The following CCSER2 variants were observed in gnomAD, a reference collection of about 807,000 sequenced individuals.
CCSER2 encodes the protein coiled-coil serine rich protein 2.
In CCSER2, 46 loss-of-function variants were observed where a neutral mutation model predicts 92.3. That is an observed-to-expected ratio of 0.50 (90% CI 0.39 to 0.64). The LOEUF is 0.64. Ranked by LOEUF, CCSER2 falls within the 30% of genes least tolerant of loss-of-function variation. CCSER2 has a pLI of 0.00. For missense variants in CCSER2, 1,244 were observed against 1,238.9 expected (o/e 1.00, Z -0.06); for synonymous variants, 433 against 431.4 (o/e 1.00, Z -0.04).
chr10:84,470,530 C>T, intron 8 of CCSER2, 72 bp downstream of exon 8: 1 of 1,247,874 alleles, frequency 8.0e-7, no homozygotes, highest in Non-Finnish European at 1.0e-6. Flanking sequence ...AACTCTGAGC[C>T]AGAAGTAGAG....
chr10:84,351,135 T>C (rs1420091611), intron 1 of CCSER2, among the ~76,000 whole-genome samples: 3 of 152,232 alleles, frequency 2.0e-5, no homozygotes, highest in Non-Finnish European at 4.4e-5. Flanking sequence ...TTCATATAGC[T>C]GACTCTGTGT....
At chr10:84,436,634 C>CA (rs71013322) in intron 5 of CCSER2, among the ~76,000 whole-genome samples, 26,167 of 93,544 alleles carry the variant, frequency 0.28, 3,143 homozygotes, top group African/African-American at 0.33. Flanking sequence ...GACTCCGTCT[C>CA]AAAAAAAAAA....
In CCSER2 at chr10:84,515,250, A is replaced by G. The variant is rs1849558881; in HGVS notation, c.*983A>G. On this transcript the variant is annotated 3_prime_UTR_variant, in exon 10 of 10. Coordinates refer to ENST00000372088, the MANE Select transcript of CCSER2 (RefSeq NM_001284240.2). The stretch of plus-strand genomic sequence containing the variant: ...GAAATAATGAACTTGAAACATTTGC[A>G]CAAAACTTTGATGGGGTATAAATAT... 1 of 152,758 alleles carries G rather than the reference A, an allele frequency of 6.5e-6. No homozygotes were observed. Among genetic ancestry groups the G allele is most frequent in the African/African-American group, 2.4e-5 (1 of 41,582 alleles). 9.5% of individuals were successfully genotyped at this position (152,758 alleles called of 1,614,324 possible).
At chr10:84,331,918 A>G (rs1843580674) in intron 1 of CCSER2, among the ~76,000 whole-genome samples, 1 of 152,210 alleles carries the variant, frequency 6.6e-6, no homozygotes, top group South Asian at 2.1e-4. Context: ...ATTTCTTAAT[A>G]ATTGGACATC....
At chr10:84,391,269 A>T (rs1206511919) in intron 3 of CCSER2, 2 of 1,443,980 alleles carry the variant, frequency 1.4e-6, no homozygotes, top group African/African-American at 2.8e-5. Context: ...CAACCAGATC[A>T]ATATGAAGCT....
At chr10:84,436,560 C>G (rs2133495886) in intron 5 of CCSER2, among the ~76,000 whole-genome samples, 1 of 143,200 alleles carries the variant, frequency 7.0e-6, no homozygotes, top group South Asian at 2.4e-4. Context: ...GCATGAATCC[C>G]CGAGGCGGAG....
At chr10:84,476,849 G>A (rs992649392) in intron 8 of CCSER2, among the ~76,000 whole-genome samples, 6 of 152,144 alleles carry the variant, frequency 3.9e-5, no homozygotes, top group Non-Finnish European at 7.4e-5. Flanking sequence ...GTGGAATCGT[G>A]TGGAGAAATC....
chr10:84,397,503 C>A (rs748364532), intron 3 of CCSER2, among the ~76,000 whole-genome samples: 1 of 152,110 alleles, frequency 6.6e-6, no homozygotes, highest in Non-Finnish European at 1.5e-5. Flanking sequence ...TGAGGTCACT[C>A]AATACATTCA....
chr10:84,388,188 T>C (rs775980056), intron 3 of CCSER2, among the ~76,000 whole-genome samples: 12 of 152,206 alleles, frequency 7.9e-5, no homozygotes, highest in Non-Finnish European at 1.2e-4. Flanking sequence ...TTTTCTGATG[T>C]TTATGCCCCT....
chr10:84,484,900 A>G (rs1034135106), intron 9 of CCSER2, among the ~76,000 whole-genome samples: 3 of 152,212 alleles, frequency 2.0e-5, no homozygotes, highest in Non-Finnish European at 4.4e-5. Context: ...CCGAAAAAAC[A>G]TAATTGTTTC....
intron 7 of CCSER2, among the ~76,000 whole-genome samples, chr10:84,468,092 G>A (rs1393429357): frequency 2.0e-5 from 3 of 152,116 alleles, no homozygotes. Flanking sequence ...CTAGCCAATT[G>A]CTTCTCAACA....
At position 84,373,796 on chromosome 10, in the gene CCSER2, C is replaced by A. The variant is rs1846191029; in HGVS notation, c.1595C>A (p.Ser532Tyr). 1 of 1,613,492 alleles carries A rather than the reference C, an allele frequency of 6.2e-7. No homozygotes were observed. The highest frequency in any genetic ancestry group is 1.7e-5 in the Admixed American group (1 of 59,942). Reference sequence around the variant, plus strand: ...GTCCATCCAGTTGGGAGCTATGAGTCCTCTGAAATGAACAGCATAGTATGT... The same window carrying A: ...GTCCATCCAGTTGGGAGCTATGAGTACTCTGAAATGAACAGCATAGTATGT... ...GNVHPVGSYESSEMNSIDILN... is the reference protein window; with the variant it reads ...GNVHPVGSYEYSEMNSIDILN... The change falls in exon 3 of 10, where the codon TCC becomes TAC. Residue 532 changes from serine to tyrosine, a missense_variant. Coordinates refer to ENST00000372088, the MANE Select transcript of CCSER2 (RefSeq NM_001284240.2).
chr10:84,512,367 AGTGTGTGTGT>A (rs141667701), intron 9 of CCSER2, among the ~76,000 whole-genome samples: 33 of 139,692 alleles, frequency 2.4e-4, no homozygotes, highest in Middle Eastern at 3.5e-3. Flanking sequence ...TTATTTAAAC[AGTGTGTGTGT>A]GTGTGTGTGT....
chr10:84,402,343 A>G (rs999648532), intron 3 of CCSER2, among the ~76,000 whole-genome samples: 4 of 152,190 alleles, frequency 2.6e-5, no homozygotes, highest in South Asian at 4.1e-4. Flanking sequence ...CAAAATAAAG[A>G]TAGTCTTAAA....
At position 84,391,753 on chromosome 10, in the gene CCSER2, T is replaced by C. The variant is rs1469016207; in HGVS notation, c.1614+17938T>C. The C allele has an allele frequency of 1.2e-5, 18 of 1,524,514 alleles. No homozygotes were observed. In the South Asian group the frequency reaches 1.9e-4, roughly 16 times the overall value. The allele number at this position is 1,524,514 out of a possible 1,614,324, so 94.4% of individuals were successfully genotyped here. A position where few individuals can be genotyped will look rare whatever the true frequency, so the allele number is the denominator to read the frequency against. On this transcript the variant is annotated intron_variant, in intron 3 of 9. Coordinates refer to ENST00000372088, the MANE Select transcript of CCSER2 (RefSeq NM_001284240.2). ...AGGTGGCCCCCATGCTACAGCAGTA[T>C]GAAGACCCTGGTGCACCTTTCTGAG... is the stretch of plus-strand genomic sequence containing the variant.
At position 84,515,347 on chromosome 10, in the gene CCSER2, TTAAA is replaced by T. The variant is rs1564742830; in HGVS notation, c.*1084_*1087del. The stretch of plus-strand genomic sequence containing the variant: ...AAATATTTTGAGAAAAATAACAAAT[TTAAA>T]TAAGACTATCTTGAGAAAGCTGGAG... On this transcript the variant is annotated 3_prime_UTR_variant, in exon 10 of 10. Coordinates refer to ENST00000372088, the MANE Select transcript of CCSER2 (RefSeq NM_001284240.2). The T allele has an allele frequency of 6.6e-6, 1 of 152,568 alleles. No homozygotes were observed. The allele number at this position is 152,568 out of a possible 1,614,324, so 9.5% of individuals were successfully genotyped here. A position where few individuals can be genotyped will look rare whatever the true frequency, so the allele number is the denominator to read the frequency against.
chr10:84,430,409 G>A (rs999460809), intron 5 of CCSER2, among the ~76,000 whole-genome samples: 1 of 152,170 alleles, frequency 6.6e-6, no homozygotes, highest in African/African-American at 2.4e-5. Context: ...TTTTTGGTCA[G>A]CTTCTTGTTT....
At chr10:84,485,791 C>T (rs1345240037) in intron 9 of CCSER2, among the ~76,000 whole-genome samples, 9 of 152,092 alleles carry the variant, frequency 5.9e-5, no homozygotes, top group Admixed American at 5.9e-4. Flanking sequence ...ATGTGCACAA[C>T]GTGCAGGTTT....
At chr10:84,440,603 A>AT (rs1844470744) in intron 6 of CCSER2, among the ~76,000 whole-genome samples, 1 of 152,156 alleles carries the variant, frequency 6.6e-6, no homozygotes, top group Non-Finnish European at 1.5e-5. Context: ...GCAGGGACTT[A>AT]CTTTTGCCAT....
Sources: allele counts gnomAD v4.1 joint callset (sites outside exome capture counted in the v4.1 genomes callset), GRCh38; gene constraint gnomAD v4.1.1; transcripts MANE v1.5; gene names NCBI Gene and HGNC (gene_info 2026-07-23, HGNC 2026-07-21).